Variants in PRKCE observed in about 807,000 individuals in gnomAD.
The protein encoded by PRKCE is protein kinase C epsilon type.
In PRKCE, 16 loss-of-function variants were observed where a neutral mutation model predicts 85.4. The observed-to-expected ratio is 0.19, with a 90% confidence interval of 0.13 to 0.28. PRKCE has a LOEUF of 0.28. PRKCE is among the 10% of genes least tolerant of loss of function. The pLI is 1.00. For missense variants in PRKCE, 573 were observed against 975.2 expected (o/e 0.59, Z 5.49); for synonymous variants, 388 against 371.5 (o/e 1.04, Z -0.51).
intron 1 of PRKCE, among the ~76,000 whole-genome samples, chr2:45,820,903 C>G (rs748561658): frequency 6.6e-6 from 1 of 152,122 alleles, no homozygotes; most frequent in Non-Finnish European, 1.5e-5. Context: ...TCCCACCCCC[C>G]AGCATGGCAA....
intron 6 of PRKCE, among the ~76,000 whole-genome samples, chr2:45,992,904 T>C (rs1703924061): frequency 6.6e-6 from 1 of 152,128 alleles, no homozygotes; most frequent in African/African-American, 2.4e-5. Context: ...ACCCAGCACA[T>C]AGTAGGTCCT....
intron 10 of PRKCE, among the ~76,000 whole-genome samples, chr2:46,077,330 C>A (rs1188582989): frequency 1.3e-5 from 2 of 151,940 alleles, no homozygotes; most frequent in Non-Finnish European, 2.9e-5. Context: ...AAGTTGTATA[C>A]ATGAAATATG....
intron 6 of PRKCE, among the ~76,000 whole-genome samples, chr2:45,991,487 G>T (rs1419502452): frequency 6.6e-6 from 1 of 152,162 alleles, no homozygotes; most frequent in Non-Finnish European, 1.5e-5. Flanking sequence ...CTTTTCTACA[G>T]TATGTCTTGG....
At chr2:45,782,817 T>C (rs1057311779) in intron 1 of PRKCE, among the ~76,000 whole-genome samples, 2 of 151,814 alleles carry the variant, frequency 1.3e-5, no homozygotes, top group African/African-American at 2.4e-5. Flanking sequence ...GGAAAAATAC[T>C]CAGCAAAGCT....
At chr2:45,672,196 C>G (rs1676202363) in intron 1 of PRKCE, among the ~76,000 whole-genome samples, 1 of 152,068 alleles carries the variant, frequency 6.6e-6, no homozygotes, top group Non-Finnish European at 1.5e-5. Flanking sequence ...CACCATTCAT[C>G]CATCATGCTT....
At chr2:46,086,647 T>C (rs1669666368) in intron 11 of PRKCE, among the ~76,000 whole-genome samples, 1 of 152,198 alleles carries the variant, frequency 6.6e-6, no homozygotes, top group South Asian at 2.1e-4. Flanking sequence ...TGGTGTGACC[T>C]TCGTTTTTCT....
intron 1 of PRKCE, among the ~76,000 whole-genome samples, chr2:45,834,557 G>A (rs1690694705): frequency 6.6e-6 from 1 of 152,074 alleles, no homozygotes; most frequent in South Asian, 2.1e-4. Flanking sequence ...CTGGAGATAA[G>A]GACGTATGTG....
chr2:45,738,216 T>A (rs763045791), intron 1 of PRKCE, among the ~76,000 whole-genome samples: 4 of 152,238 alleles, frequency 2.6e-5, no homozygotes, highest in Non-Finnish European at 5.9e-5. Context: ...GTTTTAATGA[T>A]GTTATTTTTC....
chr2:45,675,065 G>A (rs905227383), intron 1 of PRKCE, among the ~76,000 whole-genome samples: 1 of 152,212 alleles, frequency 6.6e-6, no homozygotes, highest in Non-Finnish European at 1.5e-5. Flanking sequence ...AGAAGGAAAG[G>A]AAGGGATGAG....
intron 1 of PRKCE, among the ~76,000 whole-genome samples, chr2:45,801,033 G>A (rs1402643712): frequency 1.3e-5 from 2 of 152,142 alleles, no homozygotes; most frequent in Admixed American, 1.3e-4. Flanking sequence ...TGGGGGGAAG[G>A]GCATTCCAGG....
intron 1 of PRKCE, among the ~76,000 whole-genome samples, chr2:45,663,026 G>C: frequency 6.6e-6 from 1 of 152,212 alleles, no homozygotes; most frequent in East Asian, 1.9e-4. Context: ...ACCAGCGTTT[G>C]CCAGATTGAC....
In PRKCE at chr2:46,001,144, C is replaced by G. The variant is rs1467110748; in HGVS notation, c.824-260C>G. 1 of 161,448 alleles carries G rather than the reference C, an allele frequency of 6.2e-6. No homozygotes were observed. Among genetic ancestry groups the G allele is most frequent in the Non-Finnish European group, 1.3e-5 (1 of 74,936 alleles). The allele number at this position is 161,448 out of a possible 1,614,324, so 10.0% of individuals were successfully genotyped here. On this transcript the variant is annotated intron_variant, in intron 6 of 14. Coordinates refer to ENST00000306156, the MANE Select transcript of PRKCE (RefSeq NM_005400.3). The surrounding 1 kb of genome is among the most constrained non-coding windows in gnomAD (Gnocchi z 4.4). ...ATAAATGTGACATTTACTTACTTAT[C>G]TATATTTAGGGTATACGTAGAAAGG... is the stretch of plus-strand genomic sequence containing the variant.
At chr2:46,072,820 G>C (rs906336906) in intron 10 of PRKCE, among the ~76,000 whole-genome samples, 1 of 152,130 alleles carries the variant, frequency 6.6e-6, no homozygotes, top group East Asian at 1.9e-4. Flanking sequence ...TGGGATAGAA[G>C]ACTAAAAGCC....
rs573186757 is a variant in PRKCE, at chr2:46,184,504, C to G, written c.2068-231C>G. On this transcript the variant is annotated intron_variant, in intron 14 of 14. Coordinates refer to ENST00000306156, the MANE Select transcript of PRKCE (RefSeq NM_005400.3). This position sits in a 1 kb window ranked among gnomAD's most constrained non-coding sequence, Gnocchi z 5.0. ...CTTCCCTGCTTTTCCATCATACCCT[C>G]TCACCCCTTCTTCCTTCTCACCTTG... is the stretch of plus-strand genomic sequence containing the variant. Among the ~76,000 whole-genome samples, 1 of 152,318 alleles carries G rather than the reference C, an allele frequency of 6.6e-6. No homozygotes were observed. Among genetic ancestry groups the G allele is most frequent in the African/African-American group, 2.4e-5 (1 of 41,584 alleles).
At chr2:46,117,137 A>G (rs1672853527) in intron 11 of PRKCE, among the ~76,000 whole-genome samples, 1 of 152,214 alleles carries the variant, frequency 6.6e-6, no homozygotes, top group South Asian at 2.1e-4. Flanking sequence ...TGAGGGCACC[A>G]GAGGGGTGGG....
chr2:45,865,815 C>CTTCTTCTTCT (rs779577778), intron 2 of PRKCE, among the ~76,000 whole-genome samples: 6,927 of 133,760 alleles, frequency 0.052, 312 homozygotes, highest in South Asian at 0.15. Flanking sequence ...TCTTCTTCTT[C>CTTCTTCTTCT]TTTTTTTTTT....
In PRKCE at chr2:46,184,294, G is replaced by C. The variant is rs1452894285; in HGVS notation, c.2068-441G>C. On this transcript the variant is annotated intron_variant, in intron 14 of 14. Transcript: ENST00000306156. This position sits in a 1 kb window ranked among gnomAD's most constrained non-coding sequence, Gnocchi z 5.0. ...TGTCACCTGGAGCAGATGTGGCCGG[G>C]TTATGGGGAAGAAGGACCTCTGAGA... is the stretch of plus-strand genomic sequence containing the variant. 6.6e-5 allele frequency among the ~76,000 whole-genome samples: 10 copies of C among 152,132 alleles called. No homozygotes were observed. The highest frequency in any genetic ancestry group is 1.2e-4 in the Non-Finnish European group (8 of 68,020).
intron 1 of PRKCE, among the ~76,000 whole-genome samples, chr2:45,741,481 G>A (rs1682565915): frequency 1.3e-5 from 2 of 152,098 alleles, no homozygotes; most frequent in Admixed American, 1.3e-4. Flanking sequence ...ATGGGGCCTG[G>A]CAGACAGAGA....
intron 1 of PRKCE, among the ~76,000 whole-genome samples, chr2:45,741,495 A>G (rs897291495): frequency 1.3e-5 from 2 of 152,196 alleles, no homozygotes; most frequent in Non-Finnish European, 2.9e-5. Context: ...ACAGAGAGCC[A>G]AGGTTCTTCT....
Sources: allele counts gnomAD v4.1 joint callset (sites outside exome capture counted in the v4.1 genomes callset), GRCh38; gene constraint gnomAD v4.1.1; non-coding constraint Gnocchi (gnomAD v3.1); transcripts MANE v1.5; gene names NCBI Gene and HGNC (gene_info 2026-07-23, HGNC 2026-07-21).